The following CHGB variants were observed in gnomAD, a reference collection of about 807,000 sequenced individuals.
The protein encoded by CHGB is chromogranin B, also known as secretogranin-1.
Under a neutral mutation model 69.9 loss-of-function variants are expected in CHGB, and 46 were observed. That is an observed-to-expected ratio of 0.66 (90% CI 0.52 to 0.84). The LOEUF is 0.84. Ranked by LOEUF, CHGB falls within the 40% of genes least tolerant of loss-of-function variation. The pLI is 0.00. For missense variants in CHGB, 796 were observed against 822.2 expected (o/e 0.97, Z 0.39); for synonymous variants, 312 against 298.2 (o/e 1.05, Z -0.48).
rs768312929 is a variant in CHGB at position 5,923,785 on chromosome 20, C to T, written c.1641C>T (p.Leu547=). ...ERRDNMNDNF[L]EGEEENELTL... is the part of the protein sequence containing the mutation. The stretch of plus-strand genomic sequence containing the variant: ...GAGACAACATGAATGACAATTTTCT[C>T]GAGGGTGAGGAGGAAAATGAGCTGA... Residue 547 remains leucine (L), a synonymous_variant, in exon 4 of 5, where the codon CTC becomes CTT. Coordinates refer to ENST00000378961, the MANE Select transcript of CHGB (RefSeq NM_001819.3). 8 of 1,614,116 alleles carry T rather than the reference C, an allele frequency of 5.0e-6. No individual in the cohort carries two copies. The Admixed American group carries it at 5.0e-5, about 10-fold the overall frequency.
rs2088526355 is a variant in CHGB, at chr20:5,923,088, ACGT to A, written c.946_948del (p.Val316del). The A allele has an allele frequency of 6.2e-7, 1 of 1,613,960 alleles. No homozygotes were observed. Among genetic ancestry groups the A allele is most frequent in the African/African-American group, 1.3e-5 (1 of 74,912 alleles). ...CCCCAGGAGGAATCTGAGGAGTCAA[ACGT>A]CAGCATGGCCAGTTTAGGGGAAAAG... On this transcript the variant is annotated inframe_deletion, in exon 4 of 5. Transcript: ENST00000378961.
intron 2 of CHGB, 72 bp from the exon 3 acceptor site, chr20:5,916,754 G>A (rs1014563014): frequency 4.4e-6 from 6 of 1,378,060 alleles, no homozygotes; most frequent in African/African-American, 4.3e-5. Context: ...TTCCTTGACA[G>A]CAGCTCTGGG....
At position 5,923,102 on chromosome 20, in the gene CHGB, A is replaced by T; in HGVS notation, c.958A>T (p.Ser320Cys). The T allele has an allele frequency of 6.2e-7, 1 of 1,614,144 alleles. No homozygotes were observed. Among genetic ancestry groups the T allele is most frequent in the Non-Finnish European group, 8.5e-7 (1 of 1,180,024 alleles). Residue 320 changes from serine to cysteine, a missense_variant, in exon 4 of 5, where the codon AGT becomes TGT. Ser to Cys is a moderately radical substitution (Grantham distance 112). This residue lies in a region of CHGB where 518 missense variants were observed against 506.3 expected (regional missense o/e 1.02). Coordinates refer to ENST00000378961, the MANE Select transcript of CHGB (RefSeq NM_001819.3). ...TGAGGAGTCAAACGTCAGCATGGCC[A>T]GTTTAGGGGAAAAGAGGGACCACCA... is the stretch of plus-strand genomic sequence containing the variant. ...ESEESNVSMA[S>C]LGEKRDHHST...
At chr20:5,919,321 A>G (rs2088500085) in intron 3 of CHGB, among the ~76,000 whole-genome samples, 1 of 152,210 alleles carries the variant, frequency 6.6e-6, no homozygotes, top group Non-Finnish European at 1.5e-5. Context: ...AATCAAATGT[A>G]TCTAAGGATC....
chr20:5,917,068 A>G, intron 3 of CHGB, 149 bp downstream of exon 3: 1 of 720,180 alleles, frequency 1.4e-6, no homozygotes, highest in Non-Finnish European at 2.4e-6. Flanking sequence ...TATCTGGGAG[A>G]CAGAAGATAT....
chr20:5,918,005 A>T, intron 3 of CHGB: 1 of 149,668 alleles, frequency 6.7e-6, no homozygotes, highest in Non-Finnish European at 1.5e-5. Flanking sequence ...AAAATTAGCC[A>T]GGCATGGTGG....
At chr20:5,911,790 G>A in intron 1 of CHGB, 108 bp downstream of exon 1, 1 of 1,075,906 alleles carries the variant, frequency 9.3e-7, no homozygotes, top group South Asian at 1.9e-5. Flanking sequence ...GGAGGGTTGA[G>A]GGGAAGGTTT....
At chr20:5,912,798 C>G (rs1436707771) in intron 1 of CHGB, among the ~76,000 whole-genome samples, 1 of 152,076 alleles carries the variant, frequency 6.6e-6, no homozygotes, top group East Asian at 1.9e-4. Flanking sequence ...GAGACTCCTA[C>G]CTAGAATTGA....
At chr20:5,924,203 A>G in intron 4 of CHGB, 103 bp downstream of exon 4, 1 of 1,434,690 alleles carries the variant, frequency 7.0e-7, no homozygotes, top group Non-Finnish European at 9.2e-7. Flanking sequence ...GTGGGAATTA[A>G]TCACTATGAA....
At chr20:5,918,159 A>AC (rs1418892509) in intron 3 of CHGB, among the ~76,000 whole-genome samples, 61 of 142,748 alleles carry the variant, frequency 4.3e-4, no homozygotes, top group African/African-American at 1.7e-3. Context: ...AAAAAAAAAA[A>AC]AAAAAAAAAA....
Position 5,923,342 on chromosome 20 carries a change from G to A in CHGB, c.1198G>A (p.Gly400Arg). The change falls in exon 4 of 5, where the codon GGA becomes AGA. Residue 400 changes from glycine (G) to arginine (R), a missense_variant. This residue lies in a region of CHGB where 518 missense variants were observed against 506.3 expected (regional missense o/e 1.02). Transcript: ENST00000378961. ...CTTAGAGCTTGATAAGATGGCACAT[G>A]GATATGGTGAAGAAAGTGAGGAAGA... Reference protein sequence around the residue: ...PSLELDKMAHGYGEESEEERG... With the variant: ...PSLELDKMAHRYGEESEEERG... 1 of 1,613,808 alleles carries A rather than the reference G, an allele frequency of 6.2e-7. No homozygotes were observed. Among genetic ancestry groups the A allele is most frequent in the Non-Finnish European group, 8.5e-7 (1 of 1,180,024 alleles).
intron 3 of CHGB, chr20:5,917,356 C>G (rs1276843336): frequency 6.2e-6 from 1 of 162,024 alleles, no homozygotes; most frequent in African/African-American, 2.4e-5. Flanking sequence ...TCATTCTTCT[C>G]TTTGCCTTTT....
rs182506636 is a variant in CHGB, at chr20:5,912,278, C to T, written c.49+596C>T. On this transcript the variant is annotated intron_variant, in intron 1 of 4. Transcript: ENST00000378961. The stretch of plus-strand genomic sequence containing the variant: ...TACAAGTTTAATATAATATGTTCCT[C>T]TATTTTGTATTTCCATCTCTAGGGA... Among the ~76,000 whole-genome samples, 8 of 152,166 alleles carry T rather than the reference C, an allele frequency of 5.3e-5. No individual in the cohort carries two copies. In the East Asian group the frequency reaches 1.5e-3, roughly 29 times the overall value.
rs570810654 is a variant in CHGB at position 5,911,850 on chromosome 20, C to G, written c.49+168C>G. Among the ~76,000 whole-genome samples, 23 of 152,362 alleles carry G rather than the reference C, an allele frequency of 1.5e-4. 1 individual carries two copies. In the South Asian group the frequency reaches 4.8e-3, roughly 32 times the overall value. Reference sequence around the variant, plus strand: ...CCCTGGGTGTTTTCCTTCAGCTCCTCCCACCCGTTTGACTTGGAAAAAGCT... The same window carrying G: ...CCCTGGGTGTTTTCCTTCAGCTCCTGCCACCCGTTTGACTTGGAAAAAGCT... On this transcript the variant is annotated intron_variant, in intron 1 of 4. Transcript: ENST00000378961.
rs236152 is a variant in CHGB at position 5,923,202 on chromosome 20, C to G, written c.1058C>G (p.Ala353Gly). Residue 353 changes from alanine to glycine, a missense_variant, in exon 4 of 5, where the codon GCC becomes GGC. Ala to Gly is a moderately conservative substitution (Grantham distance 60, BLOSUM62 0). Around this residue, in one of 3 missense-constraint regions of CHGB, gnomAD observed 518 missense variants for 506.3 expected, o/e 1.02. Transcript: ENST00000378961. ...ATAAAGGGTTATCCAGGCGTCCAGG[C>G]CCCTGAGGACCTGGAGTGGGAGCGC... ...EEIKGYPGVQAPEDLEWERYR... is the reference protein window; with the variant it reads ...EEIKGYPGVQGPEDLEWERYR... 0.4 allele frequency: 647,693 copies of G among 1,613,684 alleles called. 135,342 individuals carry two copies. The highest frequency in any genetic ancestry group is 0.63 in the African/African-American group (46,915 of 74,896).
At chr20:5,916,047 G>T in intron 1 of CHGB, 1 of 302,636 alleles carries the variant, frequency 3.3e-6, no homozygotes, top group East Asian at 5.9e-5. Context: ...AAAATATATA[G>T]AAAATGGAAC....
At position 5,922,526 on chromosome 20, in the gene CHGB, G is replaced by C; in HGVS notation, c.382G>C (p.Gly128Arg). The C allele has an allele frequency of 6.2e-7, 1 of 1,612,586 alleles. No homozygotes were observed. Among genetic ancestry groups the C allele is most frequent in the Non-Finnish European group, 8.5e-7 (1 of 1,179,120 alleles). ...ADTEKWAEGG[G>R]HSRERADEPQ... ...CACAGAGAAATGGGCAGAGGGAGGC[G>C]GGCACAGCCGAGAGCGAGCGGATGA... The change falls in exon 4 of 5, where the codon GGG (glycine) becomes CGG (arginine). Residue 128 changes from glycine (G) to arginine (R), a missense_variant. Around this residue, in one of 3 missense-constraint regions of CHGB, gnomAD observed 518 missense variants for 506.3 expected, o/e 1.02. Transcript: ENST00000378961.
intron 1 of CHGB, among the ~76,000 whole-genome samples, chr20:5,913,628 C>CTTTTCTTTTCTTTTTT (rs1289315671): frequency 8.8e-5 from 8 of 90,476 alleles, no homozygotes; most frequent in African/African-American, 3.0e-4. Flanking sequence ...CTTTTCTTTT[C>CTTTTCTTTTCTTTTTT]TTTTTTTTTT....
chr20:5,920,492 A>G (rs2088507601), intron 3 of CHGB, among the ~76,000 whole-genome samples: 1 of 152,254 alleles, frequency 6.6e-6, no homozygotes, highest in African/African-American at 2.4e-5. Flanking sequence ...CCTGGCTTGT[A>G]GATGGCTGCC....
Sources: gnomAD v4.1 joint callset for allele counts (sites outside exome capture counted in the v4.1 genomes callset) on GRCh38, gnomAD v4.1.1 for gene constraint, gnomAD v4.1.1 regional missense constraint, MANE v1.5 for transcripts, NCBI Gene and HGNC (gene_info 2026-07-23, HGNC 2026-07-21) for gene names.